The following MAPKAP1 variants were observed in gnomAD, a reference collection of about 807,000 sequenced individuals.
MAPKAP1 encodes MAPK associated protein 1, also known as target of rapamycin complex 2 subunit MAPKAP1.
In MAPKAP1, 20 loss-of-function variants were observed where a neutral mutation model predicts 65.7. That is an observed-to-expected ratio of 0.30 (90% CI 0.21 to 0.44). The LOEUF (loss-of-function observed/expected upper bound fraction) is 0.44. Among genes scored for constraint, MAPKAP1 ranks in the 20% least tolerant of loss-of-function variants. The probability of loss-of-function intolerance (pLI) is 1.00; values close to 1 mark genes in which losing one functional copy is unlikely to be tolerated. For missense variants in MAPKAP1, 423 were observed against 648.0 expected, an observed-to-expected ratio of 0.65 and a Z score of 3.77; for synonymous variants, 222 against 244.3, an observed-to-expected ratio of 0.91 and a Z score of 0.85.
At chr9:125,673,934 CCT>C (rs1834568886) in intron 1 of MAPKAP1, among the ~76,000 whole-genome samples, 1 of 134,198 alleles carries the variant, frequency 7.5e-6, no homozygotes, top group South Asian at 2.7e-4. Context: ...ATAGTGAGAC[CCT>C]GTCTTCTAAA....
chr9:125,465,955 G>A (rs1315172637), intron 10 of MAPKAP1, among the ~76,000 whole-genome samples: 1 of 152,192 alleles, frequency 6.6e-6, no homozygotes, highest in Non-Finnish European at 1.5e-5. Flanking sequence ...TGCATCGTGT[G>A]CAAGTAGTTA....
intron 8 of MAPKAP1, among the ~76,000 whole-genome samples, chr9:125,496,706 C>A (rs1265043218): frequency 3.3e-5 from 5 of 152,174 alleles, no homozygotes; most frequent in Non-Finnish European, 1.5e-5. Flanking sequence ...GACTTTCATC[C>A]TCTTTCTACA....
intron 4 of MAPKAP1, among the ~76,000 whole-genome samples, chr9:125,603,002 C>A (rs1165745807): frequency 3.3e-5 from 5 of 152,288 alleles, no homozygotes; most frequent in South Asian, 4.1e-4. Flanking sequence ...TCAGGCAATC[C>A]TCACATCTCA....
intron 4 of MAPKAP1, among the ~76,000 whole-genome samples, chr9:125,655,538 T>G (rs1834005147): frequency 6.6e-6 from 1 of 152,224 alleles, no homozygotes; most frequent in Non-Finnish European, 1.5e-5. Context: ...TAATTCTCTA[T>G]TAATCATTGA....
intron 8 of MAPKAP1, among the ~76,000 whole-genome samples, chr9:125,489,396 G>A (rs991732982): frequency 1.3e-5 from 2 of 152,096 alleles, no homozygotes; most frequent in Non-Finnish European, 2.9e-5. Flanking sequence ...AAGTCGGGAG[G>A]GTTAATGTCT....
intron 7 of MAPKAP1, among the ~76,000 whole-genome samples, chr9:125,520,329 G>A (rs982296844): frequency 4.6e-5 from 7 of 152,140 alleles, no homozygotes; most frequent in African/African-American, 2.4e-5. Flanking sequence ...AGCAGCACTC[G>A]GAAAGAGAAG....
chr9:125,547,347 AG>A (rs1226185361), intron 6 of MAPKAP1, among the ~76,000 whole-genome samples: 1 of 152,150 alleles, frequency 6.6e-6, no homozygotes, highest in Non-Finnish European at 1.5e-5. Flanking sequence ...CATACTGGAG[AG>A]GAAAGGGCAT....
intron 1 of MAPKAP1, among the ~76,000 whole-genome samples, chr9:125,706,207 A>G (rs1835753540): frequency 6.6e-6 from 1 of 152,092 alleles, no homozygotes; most frequent in African/African-American, 2.4e-5. Context: ...TTTTAACATT[A>G]CGGATCCACC....
intron 10 of MAPKAP1, 54 bp from the exon 11 acceptor site, chr9:125,444,652 G>A (rs777408412): frequency 2.9e-5 from 37 of 1,262,010 alleles, no homozygotes; most frequent in Non-Finnish European, 3.9e-5. Flanking sequence ...CTATGGCGGG[G>A]GCCTCCATAT....
intron 3 of MAPKAP1, among the ~76,000 whole-genome samples, chr9:125,659,967 C>T (rs143025313): frequency 6.6e-6 from 1 of 152,168 alleles, no homozygotes. Flanking sequence ...TACAAGATGT[C>T]TTGGCAGCAT....
intron 10 of MAPKAP1, among the ~76,000 whole-genome samples, chr9:125,466,562 T>C (rs568136703): frequency 6.6e-6 from 1 of 152,294 alleles, no homozygotes; most frequent in African/African-American, 2.4e-5. Context: ...AGAAAGATGC[T>C]AGAACAATGA....
intron 10 of MAPKAP1, 55 bp from the exon 11 acceptor site, chr9:125,444,653 G>A: frequency 8.3e-7 from 1 of 1,210,432 alleles, no homozygotes; most frequent in South Asian, 1.3e-5. Context: ...TATGGCGGGG[G>A]CCTCCATATG....
intron 4 of MAPKAP1, among the ~76,000 whole-genome samples, chr9:125,645,527 A>C (rs897131679): frequency 6.6e-6 from 1 of 152,228 alleles, no homozygotes; most frequent in East Asian, 1.9e-4. Flanking sequence ...ACCTGAGCTC[A>C]GGAGTTCAAG....
chr9:125,633,951 CA>C (rs1362680712), intron 4 of MAPKAP1, among the ~76,000 whole-genome samples: 6 of 152,320 alleles, frequency 3.9e-5, no homozygotes, highest in African/African-American at 1.4e-4. Flanking sequence ...AGCATTCTGA[CA>C]TTAATATGCT....
chr9:125,691,141 G>C (rs928021446), intron 1 of MAPKAP1, among the ~76,000 whole-genome samples: 4 of 152,054 alleles, frequency 2.6e-5, no homozygotes, highest in African/African-American at 9.7e-5. Context: ...GGCGCCTGTA[G>C]TCCCAGCTAC....
At chr9:125,526,663 T>G (rs1334712831) in intron 7 of MAPKAP1, among the ~76,000 whole-genome samples, 1 of 152,122 alleles carries the variant, frequency 6.6e-6, no homozygotes, top group Non-Finnish European at 1.5e-5. Context: ...AAAGTCCACA[T>G]AAGTAAGGAA....
intron 4 of MAPKAP1, chr9:125,600,033 GCT>G (rs1328252198): frequency 6.6e-6 from 1 of 152,126 alleles, no homozygotes; most frequent in Non-Finnish European, 1.5e-5. Flanking sequence ...ATATTTTGAT[GCT>G]CTGACATTTT....
chr9:125,589,530 GC>G (rs1831890792), intron 4 of MAPKAP1, among the ~76,000 whole-genome samples: 1 of 152,136 alleles, frequency 6.6e-6, no homozygotes, highest in African/African-American at 2.4e-5. Flanking sequence ...CATCCCTCTT[GC>G]CCTTCCTCTA....
At position 125,503,697 on chromosome 9, in the gene MAPKAP1, TTAAGA is replaced by T. The variant is rs576199874; in HGVS notation, c.1066+2608_1066+2612del. 3.4e-4 allele frequency among the ~76,000 whole-genome samples: 52 copies of T among 152,086 alleles called. No homozygotes were observed. In the East Asian group the frequency reaches 0.01, roughly 29 times the overall value. On this transcript the variant is annotated intron_variant, in intron 8 of 11. Coordinates refer to ENST00000265960, the MANE Select transcript of MAPKAP1 (RefSeq NM_001006617.3). ...TCTTGCATTTTAGATCCTTTTCTCT[TTAAGA>T]TAATTTCTTTTTTCTTTCTTTCTTT...
Sources: gnomAD v4.1 joint callset for allele counts (sites outside exome capture counted in the v4.1 genomes callset) on GRCh38, gnomAD v4.1.1 for gene constraint, MANE v1.5 for transcripts, NCBI Gene and HGNC (gene_info 2026-07-23, HGNC 2026-07-21) for gene names.